Variants in PAX7 observed in about 807,000 individuals in gnomAD.
PAX7 encodes the protein paired box 7.
In PAX7, 18 loss-of-function variants were observed where a neutral mutation model predicts 50.7. The ratio of observed to expected loss-of-function variants is 0.36; its 90% CI spans 0.25 to 0.53. The LOEUF (loss-of-function observed/expected upper bound fraction) is 0.53, where lower values mean the gene tolerates loss of function less well. Among genes scored for constraint, PAX7 ranks in the 20% least tolerant of loss-of-function variants. The pLI is 0.93. For missense variants in PAX7, 644 were observed against 702.9 expected (o/e 0.92, Z 0.95); for synonymous variants, 310 against 290.4 (o/e 1.07, Z -0.69).
intron 4 of PAX7, among the ~76,000 whole-genome samples, chr1:18,683,826 G>A (rs1210653562): frequency 2.0e-5 from 3 of 152,170 alleles, no homozygotes; most frequent in Non-Finnish European, 4.4e-5. Context: ...GGCAACACAG[G>A]GAGACTGTCT....
At chr1:18,658,617 G>A (rs1039866634) in intron 4 of PAX7, among the ~76,000 whole-genome samples, 1 of 152,250 alleles carries the variant, frequency 6.6e-6, no homozygotes, top group Non-Finnish European at 1.5e-5. Context: ...TTCAGCTGCT[G>A]CATGCAGGAC....
intron 4 of PAX7, among the ~76,000 whole-genome samples, chr1:18,645,242 G>A (rs2088319598): frequency 6.6e-6 from 1 of 152,210 alleles, no homozygotes; most frequent in African/African-American, 2.4e-5. Flanking sequence ...GGCCCGCGTC[G>A]GCGGGCTGGG....
chr1:18,660,155 C>A (rs2088580674), intron 4 of PAX7, among the ~76,000 whole-genome samples: 1 of 152,010 alleles, frequency 6.6e-6, no homozygotes, highest in African/African-American at 2.4e-5. Context: ...AGGATAGGGC[C>A]AAATGGGCCT....
intron 7 of PAX7, among the ~76,000 whole-genome samples, chr1:18,728,031 G>A (rs2089595928): frequency 6.6e-6 from 1 of 152,168 alleles, no homozygotes; most frequent in Non-Finnish European, 1.5e-5. Flanking sequence ...GTGAGGGTGG[G>A]CAGCTGCCCG....
chr1:18,727,732 G>A (rs1048107424), intron 7 of PAX7, among the ~76,000 whole-genome samples: 3 of 152,218 alleles, frequency 2.0e-5, no homozygotes, highest in Non-Finnish European at 2.9e-5. Flanking sequence ...GGCTTCGAGG[G>A]TGACAAATGA....
rs548041494 is a variant in PAX7, at chr1:18,735,827, G to C, written c.1351G>C (p.Gly451Arg). 2 of 1,614,108 alleles carry C rather than the reference G, an allele frequency of 1.2e-6. No individual in the cohort carries two copies. Among genetic ancestry groups the C allele is most frequent in the African/African-American group, 2.7e-5 (2 of 75,040 alleles). ...CTGCCCACCCACCTACAGCACCACC[G>C]GCTACAGCGTGGACCCCGTGGCCGG... The part of the protein sequence containing the change: ...AYCPPTYSTT[G>R]YSVDPVAGYQ... Residue 451 changes from glycine (G) to arginine (R), a missense_variant, in exon 8 of 9, where the codon GGC (glycine) becomes CGC (arginine). By Grantham distance (125) the Gly-to-Arg change is moderately radical. Transcript: ENST00000420770. This position sits in a 1 kb window ranked among gnomAD's most constrained non-coding sequence, Gnocchi z 4.0.
At position 18,746,939 on chromosome 1, in the gene PAX7, C is replaced by T. The variant is rs1425106986; in HGVS notation, c.*2010C>T. On this transcript the variant is annotated 3_prime_UTR_variant, in exon 9 of 9. Transcript: ENST00000420770. ...TTGGTAGCAGCAGACACATGTGATCCATCAAGATCAACCAAGGTTGCAACT... is the reference window on the plus strand; with the variant it reads ...TTGGTAGCAGCAGACACATGTGATCTATCAAGATCAACCAAGGTTGCAACT... 4.3e-6 allele frequency: 1 copy of T among 231,480 alleles called. No individual in the cohort carries two copies. Among genetic ancestry groups the T allele is most frequent in the Non-Finnish European group, 8.6e-6 (1 of 116,920 alleles). The allele number at this position is 231,480 out of a possible 1,614,324, so 14.3% of individuals were successfully genotyped here.
In PAX7 at chr1:18,709,867, A is replaced by G. The variant is rs796381623; in HGVS notation, c.1155+6571A>G. Among the ~76,000 whole-genome samples the G allele has an allele frequency of 3.9e-5, 6 of 152,326 alleles. No individual in the cohort carries two copies. The East Asian group carries it at 5.8e-4, about 15-fold the overall frequency. ...CAGGGAAGCTGAGGTCCTAAGTCAT[A>G]GGGGCAATTAATGGCAGAGTCAGGT... On this transcript the variant is annotated intron_variant, in intron 7 of 8. Transcript: ENST00000420770.
intron 5 of PAX7, among the ~76,000 whole-genome samples, chr1:18,695,608 C>T (rs1399677628): frequency 6.6e-6 from 1 of 152,180 alleles, no homozygotes; most frequent in Non-Finnish European, 1.5e-5. Flanking sequence ...TCTGCCTCAG[C>T]CAGGAGAAAG....
chr1:18,707,099 T>C (rs568991), intron 7 of PAX7, among the ~76,000 whole-genome samples: 114,928 of 152,204 alleles, frequency 0.76, 43,559 homozygotes, highest in East Asian at 0.82. Flanking sequence ...TTATAGAGAA[T>C]CTACTATGTG....
At chr1:18,639,235 CTA>C (rs562996886) in intron 4 of PAX7, among the ~76,000 whole-genome samples, 248 of 152,296 alleles carry the variant, frequency 1.6e-3, no homozygotes, top group Non-Finnish European at 2.1e-3. Context: ...TGGTAAGAAA[CTA>C]TTTATCCGCA....
intron 7 of PAX7, among the ~76,000 whole-genome samples, chr1:18,708,497 G>A (rs2089311370): frequency 6.6e-6 from 1 of 152,160 alleles, no homozygotes; most frequent in Non-Finnish European, 1.5e-5. Context: ...TGAGGCTGCA[G>A]TGAGCTGTGA....
intron 4 of PAX7, among the ~76,000 whole-genome samples, chr1:18,662,431 C>T (rs926683339): frequency 1.3e-5 from 2 of 152,198 alleles, no homozygotes; most frequent in Admixed American, 6.5e-5. Context: ...TTCATTCATT[C>T]ATTCATTCAT....
At chr1:18,661,975 G>A (rs2088606755) in intron 4 of PAX7, among the ~76,000 whole-genome samples, 2 of 152,204 alleles carry the variant, frequency 1.3e-5, no homozygotes, top group South Asian at 2.1e-4. Context: ...GGGAGCAGGT[G>A]GGAGTCAGCC....
chr1:18,742,847 T>G (rs1931223305), intron 8 of PAX7, among the ~76,000 whole-genome samples: 1 of 152,194 alleles, frequency 6.6e-6, no homozygotes, highest in Admixed American at 6.5e-5. Flanking sequence ...CCCTTCATGC[T>G]CTGTAACCAC....
rs1436346604 is a variant in PAX7 at position 18,712,729 on chromosome 1, C to T, written c.1155+9433C>T. On this transcript the variant is annotated intron_variant, in intron 7 of 8. Coordinates refer to ENST00000420770, the MANE Select transcript of PAX7 (RefSeq NM_001135254.2). ...ACTGGGTAGAATTCTGGGAAGATAT[C>T]GGGTCTTCAGCCCACCTATCTGAGT... Among the ~76,000 whole-genome samples, 6 of 152,168 alleles carry T rather than the reference C, an allele frequency of 3.9e-5. No individual in the cohort carries two copies. The South Asian group carries it at 6.2e-4, about 16-fold the overall frequency.
At chr1:18,692,000 T>C (rs765571215) in intron 5 of PAX7, 47 bp downstream of exon 5, 5 of 1,567,794 alleles carry the variant, frequency 3.2e-6, no homozygotes, top group East Asian at 4.7e-5. Context: ...ACTCCAGAGA[T>C]TCAGAAGTTT....
intron 7 of PAX7, among the ~76,000 whole-genome samples, chr1:18,709,630 T>C (rs564080359): frequency 1.3e-5 from 2 of 152,332 alleles, no homozygotes; most frequent in East Asian, 3.9e-4. Context: ...GGCTGTTATC[T>C]TGTGACCCTC....
intron 8 of PAX7, among the ~76,000 whole-genome samples, chr1:18,741,463 AAAAG>A (rs71027395): frequency 6.7e-6 from 1 of 149,494 alleles, no homozygotes. Context: ...AAGAAAAAAA[AAAAG>A]AAAGAAAGAA....
Sources: gnomAD v4.1 joint callset for allele counts (sites outside exome capture counted in the v4.1 genomes callset) on GRCh38, gnomAD v4.1.1 for gene constraint, Gnocchi (gnomAD v3.1) non-coding constraint, MANE v1.5 for transcripts, NCBI Gene and HGNC (gene_info 2026-07-23, HGNC 2026-07-21) for gene names.